The following PCDHGA5 variants were observed in gnomAD, a reference collection of about 807,000 sequenced individuals.
The protein encoded by PCDHGA5 is protocadherin gamma-A5.
A neutral mutation model predicts 56.7 loss-of-function variants in PCDHGA5; 36 were observed. The observed-to-expected ratio is 0.64, with a 90% CI of 0.49 to 0.84. The LOEUF (loss-of-function observed/expected upper bound fraction) is 0.84. PCDHGA5 is among the 40% of genes least tolerant of loss of function. PCDHGA5 has a pLI of 0.00. For missense variants in PCDHGA5, 1,305 were observed against 1,201.5 expected, an observed-to-expected ratio of 1.09 and a Z score of -1.27; for synonymous variants, 563 against 520.2, an observed-to-expected ratio of 1.08 and a Z score of -1.12.
chr5:141,477,814 G>C lies in PCDHGA5; in HGVS notation c.2422-16993G>C, dbSNP rs780195618. The C allele has an allele frequency of 1.2e-6, 2 of 1,614,110 alleles. No homozygotes were observed. The highest frequency in any genetic ancestry group is 1.1e-5 in the South Asian group (1 of 91,074). On this transcript the variant is annotated intron_variant, in intron 1 of 3. Coordinates refer to ENST00000518069, the MANE Select transcript of PCDHGA5 (RefSeq NM_018918.3). The surrounding 1 kb of genome is among the most constrained non-coding windows in gnomAD (Gnocchi z 4.9). ...CTGATCGCAATGACAATGCCCCCCA[G>C]GTCCTATATCCTCGGCCAGGTGGGA... is the stretch of plus-strand genomic sequence containing the variant.
intron 1 of PCDHGA5, chr5:141,415,275 G>A (rs1242620005): frequency 5.6e-6 from 9 of 1,614,094 alleles, no homozygotes; most frequent in East Asian, 4.5e-5. Flanking sequence ...TGGTGGTAGC[G>A]GTGGCCGCGG....
At chr5:141,410,235 G>T (rs753193390) in intron 1 of PCDHGA5, 1 of 1,613,852 alleles carries the variant, frequency 6.2e-7, no homozygotes, top group Non-Finnish European at 8.5e-7. Context: ...CTCAGCGACC[G>T]CCCTGTACTC....
rs1188707468 is a variant in PCDHGA5 at position 141,384,157 on chromosome 5, A to G, written c.2421+17406A>G. The G allele has an allele frequency of 8.7e-6, 14 of 1,613,580 alleles. No individual in the cohort carries two copies. The highest frequency in any genetic ancestry group is 1.1e-5 in the South Asian group (1 of 91,054). ...CCGGGAAACACTCTCTTTGTATAAC[A>G]TCACACTGAAAGCCACAGATGGTGG... On this transcript the variant is annotated intron_variant, in intron 1 of 3. Coordinates refer to ENST00000518069, the MANE Select transcript of PCDHGA5 (RefSeq NM_018918.3).
chr5:141,453,204 C>T (rs1345502837), intron 1 of PCDHGA5, among the ~76,000 whole-genome samples: 1 of 152,260 alleles, frequency 6.6e-6, no homozygotes, highest in East Asian at 1.9e-4. Flanking sequence ...GCCTCAACCT[C>T]GTGCACTTAA....
intron 1 of PCDHGA5, among the ~76,000 whole-genome samples, chr5:141,470,256 A>G (rs1043528709): frequency 6.6e-6 from 1 of 152,228 alleles, no homozygotes; most frequent in African/African-American, 2.4e-5. Flanking sequence ...ACCTGTCTAA[A>G]TGGAGATACA....
chr5:141,480,429 T>A (rs72790066), intron 1 of PCDHGA5, among the ~76,000 whole-genome samples: 9,317 of 151,926 alleles, frequency 0.061, 335 homozygotes, highest in South Asian at 0.12. Context: ...AAAAAAATTA[T>A]CAGCTATTAC....
rs760319541 is a variant in PCDHGA5, at chr5:141,477,772, C to T, written c.2422-17035C>T. 1.2e-6 allele frequency: 2 copies of T among 1,614,026 alleles called. No homozygotes were observed. Among genetic ancestry groups the T allele is most frequent in the South Asian group, 1.1e-5 (1 of 91,088 alleles). ...CCCCGGTCCTAGCCACCAACATCAGCGTGAACATATTTGTCACTGATCGCA... is the reference window on the plus strand; with the variant it reads ...CCCCGGTCCTAGCCACCAACATCAGTGTGAACATATTTGTCACTGATCGCA... On this transcript the variant is annotated intron_variant, in intron 1 of 3. Coordinates refer to ENST00000518069, the MANE Select transcript of PCDHGA5 (RefSeq NM_018918.3). This position sits in a 1 kb window ranked among gnomAD's most constrained non-coding sequence, Gnocchi z 4.9.
rs1188870363 is a variant in PCDHGA5 at position 141,490,058 on chromosome 5, C to A, written c.2422-4749C>A. 16 of 1,614,230 alleles carry A rather than the reference C, an allele frequency of 9.9e-6. No individual in the cohort carries two copies. In the East Asian group the frequency reaches 3.6e-4, roughly 36 times the overall value. The stretch of plus-strand genomic sequence containing the variant: ...AATGCCACTGATCCAGACGAGGGCA[C>A]CAACGGCCAACTAGACTATTCTTTT... On this transcript the variant is annotated intron_variant, in intron 1 of 3. Coordinates refer to ENST00000518069, the MANE Select transcript of PCDHGA5 (RefSeq NM_018918.3). This position sits in a 1 kb window ranked among gnomAD's most constrained non-coding sequence, Gnocchi z 5.4.
chr5:141,386,303 T>A (rs938709302), intron 1 of PCDHGA5, among the ~76,000 whole-genome samples: 6 of 152,202 alleles, frequency 3.9e-5, no homozygotes, highest in Admixed American at 2.0e-4. Flanking sequence ...TTAGTAAAGC[T>A]CAGTATATCA....
chr5:141,459,756 G>A (rs1455980132), intron 1 of PCDHGA5, among the ~76,000 whole-genome samples: 1 of 152,118 alleles, frequency 6.6e-6, no homozygotes, highest in Non-Finnish European at 1.5e-5. Flanking sequence ...AATTCTAGTG[G>A]GTGTGTGATA....
Position 141,432,267 on chromosome 5 carries a change from C to T in PCDHGA5, c.2422-62540C>T, listed in dbSNP as rs746089276. 4.3e-6 allele frequency: 7 copies of T among 1,614,244 alleles called. No homozygotes were observed. On this transcript the variant is annotated intron_variant, in intron 1 of 3. Transcript: ENST00000518069. The surrounding 1 kb of genome is among the most constrained non-coding windows in gnomAD (Gnocchi z 6.0). ...ACCATCCAAGGGGCAAGCCTATCGT[C>T]CTACGTGTCCATCAACTCCGACACT...
At chr5:141,371,248 G>T in intron 1 of PCDHGA5, 1 of 1,614,024 alleles carries the variant, frequency 6.2e-7, no homozygotes, top group East Asian at 2.2e-5. Context: ...ATCAATATTG[G>T]CAAGGAAGTG....
At chr5:141,371,709 A>G in intron 1 of PCDHGA5, 1 of 1,613,916 alleles carries the variant, frequency 6.2e-7, no homozygotes, top group East Asian at 2.2e-5. Context: ...CAAGACCATC[A>G]CTCTGCACAT....
chr5:141,407,473 G>A (rs753514459), intron 1 of PCDHGA5, among the ~76,000 whole-genome samples: 4 of 145,182 alleles, frequency 2.8e-5, no homozygotes, highest in Non-Finnish European at 4.6e-5. Context: ...ATGACTGAAT[G>A]GAGTATGGAA....
At chr5:141,388,291 A>G (rs571418912) in intron 1 of PCDHGA5, 114 of 1,613,582 alleles carry the variant, frequency 7.1e-5, no homozygotes, top group Non-Finnish European at 2.5e-6. Context: ...TTCACGCAAA[A>G]TTCCTTTGAG....
intron 1 of PCDHGA5, chr5:141,394,762 G>A: frequency 6.2e-7 from 1 of 1,613,396 alleles, no homozygotes; most frequent in Non-Finnish European, 8.5e-7. Flanking sequence ...CAGGACCATG[G>A]CCAGCCCCCT....
intron 1 of PCDHGA5, among the ~76,000 whole-genome samples, chr5:141,455,445 C>T (rs1175054167): frequency 6.6e-6 from 1 of 152,134 alleles, no homozygotes; most frequent in Non-Finnish European, 1.5e-5. Context: ...TCCCCATCTA[C>T]CGCGGATACC....
intron 1 of PCDHGA5, chr5:141,398,034 A>G: frequency 6.8e-7 from 1 of 1,475,238 alleles, no homozygotes; most frequent in South Asian, 1.4e-5. Context: ...AACTGGAACT[A>G]AAGCCCGTTC....
At chr5:141,419,781 G>C (rs1331740421) in intron 1 of PCDHGA5, 1 of 1,614,032 alleles carries the variant, frequency 6.2e-7, no homozygotes. Context: ...GTCCGCCAGC[G>C]CCTGCTAGTC....
Sources: allele counts gnomAD v4.1 joint callset (sites outside exome capture counted in the v4.1 genomes callset), GRCh38; gene constraint gnomAD v4.1.1; non-coding constraint Gnocchi (gnomAD v3.1); transcripts MANE v1.5; gene names NCBI Gene and HGNC (gene_info 2026-07-23, HGNC 2026-07-21).